The following IL34 variants were observed in gnomAD, a reference collection of about 807,000 sequenced individuals.
The protein encoded by IL34 is interleukin 34, also known as interleukin-34.
In IL34, 17 loss-of-function variants were observed where a neutral mutation model predicts 25.3. The ratio of observed to expected loss-of-function variants is 0.67; its 90% CI spans 0.46 to 1.01. The LOEUF is 1.01. Ranked by LOEUF, IL34 falls within the 50% of genes least tolerant of loss-of-function variation. IL34 has a pLI of 0.00. For synonymous variants in IL34, 174 were observed against 140.9 expected, an observed-to-expected ratio of 1.23 and a Z score of -1.66; for missense variants, 368 against 312.9, an observed-to-expected ratio of 1.18 and a Z score of -1.33.
At chr16:70,645,862 G>A (rs972174310), upstream of IL34, among the ~76,000 whole-genome samples, 2 of 152,096 alleles carry the variant, frequency 1.3e-5, no homozygotes, top group Non-Finnish European at 2.9e-5. Flanking sequence ...AGACTAGCCT[G>A]GCCAACATGG....
chr16:70,647,704 G>T (rs1186787839), intron 1 of IL34, among the ~76,000 whole-genome samples: 1 of 152,184 alleles, frequency 6.6e-6, no homozygotes, highest in Admixed American at 6.5e-5. Flanking sequence ...TCCAACGCCT[G>T]GCACAGGGTT....
In IL34 at chr16:70,634,697, T is replaced by A. The variant is rs980763838; in HGVS notation, c.-400-11851T>A. On this transcript the variant is annotated intron_variant, in intron 1 of 6. Transcript: ENST00000429149. ...TCCGAATCAAAAAAAAAAAAAAAAATTTCCAAAGTTCCCTAATGCCCCTTT... is the reference window on the plus strand; with the variant it reads ...TCCGAATCAAAAAAAAAAAAAAAAAATTCCAAAGTTCCCTAATGCCCCTTT... 2.3e-4 allele frequency among the ~76,000 whole-genome samples: 35 copies of A among 149,604 alleles called. No homozygotes were observed. The East Asian group carries it at 3.5e-3, about 15-fold the overall frequency.
intron 1 of IL34, among the ~76,000 whole-genome samples, chr16:70,580,513 C>G (rs1394721551): frequency 2.6e-5 from 4 of 152,240 alleles, no homozygotes; most frequent in African/African-American, 9.6e-5. Flanking sequence ...GGCGCAGTGG[C>G]TCACGCCTGT....
intron 1 of IL34, among the ~76,000 whole-genome samples, chr16:70,609,697 G>A (rs2051062844): frequency 6.6e-6 from 1 of 152,106 alleles, no homozygotes; most frequent in Non-Finnish European, 1.5e-5. Context: ...GCTCTGAGGG[G>A]TAGGGATTTA....
At chr16:70,594,909 A>G (rs917831798) in intron 1 of IL34, among the ~76,000 whole-genome samples, 1 of 148,898 alleles carries the variant, frequency 6.7e-6, no homozygotes, top group Non-Finnish European at 1.5e-5. Flanking sequence ...AAACCCTCAT[A>G]TTTCCAGGTG....
At chr16:70,633,401 G>A (rs1187419563) in intron 1 of IL34, among the ~76,000 whole-genome samples, 4 of 150,430 alleles carry the variant, frequency 2.7e-5, no homozygotes, top group East Asian at 2.0e-4. Context: ...CCACAGGTGA[G>A]CACCACCATG....
At chr16:70,624,321 G>C (rs12598248) in intron 1 of IL34, among the ~76,000 whole-genome samples, 45,428 of 151,712 alleles carry the variant, frequency 0.3, 7,269 homozygotes, top group South Asian at 0.45. Flanking sequence ...TTGTGTGCTG[G>C]AGATGTGGCT....
intron 1 of IL34, among the ~76,000 whole-genome samples, chr16:70,649,764 C>G (rs1250443761): frequency 1.3e-5 from 2 of 151,944 alleles, no homozygotes; most frequent in Non-Finnish European, 2.9e-5. Context: ...TTTCTTAAGC[C>G]TCCTCTCTGT....
chr16:70,599,290 TTTC>T (rs752933414), intron 1 of IL34, among the ~76,000 whole-genome samples: 45 of 102,384 alleles, frequency 4.4e-4, no homozygotes, highest in South Asian at 1.3e-3. Flanking sequence ...TCTTTCTTTC[TTTC>T]TTCTTTCTTT....
chr16:70,594,351 G>A (rs924972892), intron 1 of IL34, among the ~76,000 whole-genome samples: 1 of 152,158 alleles, frequency 6.6e-6, no homozygotes, highest in African/African-American at 2.4e-5. Context: ...GATTTATAGT[G>A]AAGAATTTTA....
intron 1 of IL34, among the ~76,000 whole-genome samples, chr16:70,603,076 C>T (rs1247902601): frequency 6.6e-6 from 1 of 151,976 alleles, no homozygotes; most frequent in African/African-American, 2.4e-5. Flanking sequence ...TATGTGGCCA[C>T]CAGGGAGCTG....
At chr16:70,601,933 G>A (rs2050924259) in intron 1 of IL34, among the ~76,000 whole-genome samples, 1 of 152,240 alleles carries the variant, frequency 6.6e-6, no homozygotes, top group African/African-American at 2.4e-5. Context: ...AGACCGAAGG[G>A]CAAGGGCCAC....
chr16:70,599,882 G>T (rs1353109265), intron 1 of IL34, among the ~76,000 whole-genome samples: 1 of 151,946 alleles, frequency 6.6e-6, no homozygotes, highest in African/African-American at 2.4e-5. Context: ...GTCTCCCTAT[G>T]TTGCCCAGGC....
chr16:70,652,339 G>A (rs868038803), intron 1 of IL34, among the ~76,000 whole-genome samples: 3 of 151,638 alleles, frequency 2.0e-5, no homozygotes, highest in Non-Finnish European at 4.4e-5. Flanking sequence ...GGCACCTGTA[G>A]TACCAGTTAC....
At chr16:70,595,116 A>G (rs570297263) in intron 1 of IL34, among the ~76,000 whole-genome samples, 2 of 151,884 alleles carry the variant, frequency 1.3e-5, no homozygotes, top group African/African-American at 4.8e-5. Flanking sequence ...CACCACACCC[A>G]ACTAATTTTT....
At chr16:70,621,728 G>A (rs1357660919) in intron 1 of IL34, among the ~76,000 whole-genome samples, 2 of 152,134 alleles carry the variant, frequency 1.3e-5, no homozygotes, top group Non-Finnish European at 2.9e-5. Context: ...AGGGAGATAA[G>A]GGTGGGGCCG....
intron 1 of IL34, among the ~76,000 whole-genome samples, chr16:70,625,164 C>G (rs1018651011): frequency 4.0e-5 from 6 of 151,796 alleles, no homozygotes; most frequent in African/African-American, 1.2e-4. Context: ...GGTTTTAGGT[C>G]AGGTGTGAGT....
chr16:70,654,330 CT>C, intron 1 of IL34: 2 of 556,494 alleles, frequency 3.6e-6, no homozygotes, highest in Non-Finnish European at 6.1e-6. Flanking sequence ...GGTGTGGACT[CT>C]CTGCACTGCT....
In IL34 at chr16:70,583,809, G is replaced by A. The variant is rs550810545; in HGVS notation, c.-401+3760G>A. ...TGGAATTACAGGTGTGCGCCACCAC[G>A]CCTGGCTAATTTTTGTATCTTTAGT... On this transcript the variant is annotated intron_variant, in intron 1 of 6. Coordinates refer to the IL34 transcript ENST00000429149. Among the ~76,000 whole-genome samples the A allele has an allele frequency of 2.6e-5, 4 of 152,182 alleles. No homozygotes were observed. The South Asian group carries it at 6.2e-4, about 24-fold the overall frequency.
Sources: gnomAD v4.1 joint callset for allele counts (sites outside exome capture counted in the v4.1 genomes callset) on GRCh38, gnomAD v4.1.1 for gene constraint, MANE v1.5 for transcripts, NCBI Gene and HGNC (gene_info 2026-07-23, HGNC 2026-07-21) for gene names.